The following WDFY4 variants were observed in gnomAD, a reference collection of about 807,000 sequenced individuals.
WDFY4 encodes the protein WD repeat- and FYVE domain-containing protein 4.
Under a neutral mutation model 351.9 loss-of-function variants are expected in WDFY4, and 169 were observed. That is an observed-to-expected ratio of 0.48 (90% CI 0.42 to 0.55). The LOEUF (loss-of-function observed/expected upper bound fraction) is 0.55, where lower values mean the gene tolerates loss of function less well. Among genes scored for constraint, WDFY4 ranks in the 20% least tolerant of loss-of-function variants. WDFY4 has a pLI of 0.00. For synonymous variants in WDFY4, 1,622 were observed against 1,574.6 expected (o/e 1.03, Z -0.71); for missense variants, 3,803 against 3,935.6 (o/e 0.97, Z 0.90).
Position 48,725,928 on chromosome 10 carries a change from C to T in WDFY4, c.639C>T (p.Leu213=), listed in dbSNP as rs925232133. The change falls in exon 6 of 62, where the codon CTC becomes CTT. Residue 213 remains leucine, a synonymous_variant. Coordinates refer to ENST00000325239, the MANE Select transcript of WDFY4 (RefSeq NM_001394531.1). ...CSDSQGLEGL[L]SGSELQSLLI... is the part of the protein sequence containing the mutation. ...ACTCTCAGGGCCTGGAGGGACTCCT[C>T]TCAGGAAGTGAGCTGCAGTCTCTGC... 2.6e-6 allele frequency: 4 copies of T among 1,551,442 alleles called. No individual in the cohort carries two copies. Among genetic ancestry groups the T allele is most frequent in the African/African-American group, 2.7e-5 (2 of 73,056 alleles).
chr10:48,700,685 G>T (rs1175402625), intron 1 of WDFY4, among the ~76,000 whole-genome samples: 1 of 152,248 alleles, frequency 6.6e-6, no homozygotes, highest in Non-Finnish European at 1.5e-5. Flanking sequence ...GGGGGTGGGA[G>T]TGTGTGGGGT....
intron 51 of WDFY4, among the ~76,000 whole-genome samples, chr10:48,952,459 C>T (rs1306597399): frequency 1.3e-5 from 2 of 152,176 alleles, no homozygotes; most frequent in Non-Finnish European, 2.9e-5. Context: ...ATCATACAGA[C>T]TTGAGGAGTA....
chr10:48,897,682 C>A, intron 45 of WDFY4, 108 bp downstream of exon 45: 2 of 1,456,732 alleles, frequency 1.4e-6, no homozygotes, highest in Non-Finnish European at 1.8e-6. Flanking sequence ...TTCTTTGTGC[C>A]TATGCACAGC....
At chr10:48,974,810 A>C in intron 57 of WDFY4, 52 bp from the exon 58 acceptor site, 9 of 1,464,604 alleles carry the variant, frequency 6.1e-6, no homozygotes, top group Non-Finnish European at 8.1e-6. Flanking sequence ...AGAATTCCCA[A>C]AAGTAGCTGA....
chr10:48,796,534 A>G, intron 24 of WDFY4, 84 bp downstream of exon 24: 1 of 1,471,974 alleles, frequency 6.8e-7, no homozygotes, highest in Non-Finnish European at 9.0e-7. Context: ...TAAACCTAGC[A>G]TGTCAGCTTC....
chr10:48,849,688 T>C (rs1435953527), intron 39 of WDFY4, among the ~76,000 whole-genome samples: 2 of 152,216 alleles, frequency 1.3e-5, no homozygotes, highest in Non-Finnish European at 2.9e-5. Flanking sequence ...ACTACTTCCA[T>C]GTCCTCCCCA....
intron 30 of WDFY4, among the ~76,000 whole-genome samples, chr10:48,813,281 A>G (rs1417707492): frequency 3.3e-5 from 5 of 152,232 alleles, no homozygotes; most frequent in Non-Finnish European, 7.3e-5. Flanking sequence ...ATATTGACAT[A>G]TGCTAATAGC....
At position 48,941,863 on chromosome 10, in the gene WDFY4, C is replaced by T. The variant is rs2133760286; in HGVS notation, c.7629+15C>T. ...AGAAGTGGCAGGTACAGTAGCTCCT[C>T]CAGAGGGAAGCCCTCTGGGAATGCA... On this transcript the variant is annotated intron_variant, in intron 48 of 61. Coordinates refer to ENST00000325239, the MANE Select transcript of WDFY4 (RefSeq NM_001394531.1). 1.3e-6 allele frequency: 2 copies of T among 1,551,670 alleles called. No homozygotes were observed. The highest frequency in any genetic ancestry group is 8.7e-7 in the Non-Finnish European group (1 of 1,146,956).
chr10:48,756,451 G>A (rs1403635986), intron 12 of WDFY4, among the ~76,000 whole-genome samples: 2 of 151,430 alleles, frequency 1.3e-5, no homozygotes, highest in African/African-American at 2.4e-5. Context: ...CAATCTCATC[G>A]TCTGTGACTA....
At chr10:48,976,665 T>C (rs940711084) in intron 58 of WDFY4, 132 bp from the exon 59 acceptor site, 9 of 776,116 alleles carry the variant, frequency 1.2e-5, no homozygotes, top group Non-Finnish European at 1.6e-5. Flanking sequence ...GAAAGAAGTT[T>C]TGGGGTACCT....
chr10:48,723,939 G>C (rs1048283454), intron 5 of WDFY4, among the ~76,000 whole-genome samples: 2 of 151,952 alleles, frequency 1.3e-5, no homozygotes, highest in Non-Finnish European at 2.9e-5. Context: ...GTGGGGCTGG[G>C]ATTGGCACCC....
intron 50 of WDFY4, 51 bp downstream of exon 50, chr10:48,946,208 C>A: frequency 1.5e-6 from 2 of 1,366,698 alleles, no homozygotes; most frequent in African/African-American, 1.5e-5. Context: ...TCGGGATGCC[C>A]TAAAATGATA....
At chr10:48,905,296 C>G (rs554195281) in intron 47 of WDFY4, among the ~76,000 whole-genome samples, 1 of 152,292 alleles carries the variant, frequency 6.6e-6, no homozygotes, top group Non-Finnish European at 1.5e-5. Flanking sequence ...GGAGCTTACC[C>G]CCAGCTGTGC....
At position 48,701,428 on chromosome 10, in the gene WDFY4, T is replaced by C. The variant is rs74130606; in HGVS notation, c.-17-8288T>C. Among the ~76,000 whole-genome samples the C allele has an allele frequency of 2.0e-3, 307 of 152,364 alleles. 1 individual carries two copies. Among genetic ancestry groups the C allele is most frequent in the African/African-American group, 6.8e-3 (281 of 41,586 alleles). On this transcript the variant is annotated intron_variant, in intron 1 of 61. Transcript: ENST00000325239. ...CTTTCAATTCTTTTGGGTATACTTTTACTTTTTGTAATTGACCTACCTTGT... is the reference window on the plus strand; with the variant it reads ...CTTTCAATTCTTTTGGGTATACTTTCACTTTTTGTAATTGACCTACCTTGT...
intron 60 of WDFY4, among the ~76,000 whole-genome samples, chr10:48,980,575 C>A (rs981069762): frequency 1.3e-5 from 2 of 152,194 alleles, no homozygotes; most frequent in African/African-American, 4.8e-5. Context: ...CAATCTGGTA[C>A]ATAAAAAGTG....
At chr10:48,703,873 G>C (rs984268536) in intron 1 of WDFY4, among the ~76,000 whole-genome samples, 1 of 152,184 alleles carries the variant, frequency 6.6e-6, no homozygotes, top group Non-Finnish European at 1.5e-5. Flanking sequence ...ATGATGCTAT[G>C]TATCCCTGCA....
chr10:48,838,584 G>A (rs1428427146), intron 39 of WDFY4, among the ~76,000 whole-genome samples: 2 of 152,118 alleles, frequency 1.3e-5, no homozygotes, highest in Non-Finnish European at 2.9e-5. Context: ...AATCATTGTG[G>A]AAATTCTCAA....
At chr10:48,734,523 C>CATATAT (rs10653287) in intron 10 of WDFY4, among the ~76,000 whole-genome samples, 3,154 of 144,924 alleles carry the variant, frequency 0.022, 63 homozygotes, top group African/African-American at 0.059. Context: ...ATAATATGTG[C>CATATAT]ATATATATAT....
intron 13 of WDFY4, among the ~76,000 whole-genome samples, 176 bp from the exon 14 acceptor site, chr10:48,774,282 C>G (rs567301099): frequency 6.6e-6 from 1 of 151,944 alleles, no homozygotes. Context: ...TGCCCCCCGC[C>G]AGGTGAGGAG....
Sources: gnomAD v4.1 joint callset for allele counts (sites outside exome capture counted in the v4.1 genomes callset) on GRCh38, gnomAD v4.1.1 for gene constraint, MANE v1.5 for transcripts, NCBI Gene and HGNC (gene_info 2026-07-23, HGNC 2026-07-21) for gene names.